The following FGF12 variants were observed in gnomAD, a reference collection of about 807,000 sequenced individuals.
FGF12 encodes fibroblast growth factor 12B.
In FGF12, 14 loss-of-function variants were observed where a neutral mutation model predicts 23.6. That is an observed-to-expected ratio of 0.59 (90% CI 0.39 to 0.93). FGF12 has a LOEUF of 0.93. FGF12 is among the 40% of genes least tolerant of loss of function. The pLI is 0.00. For synonymous variants in FGF12, 62 were observed against 77.3 expected (o/e 0.80, Z 1.04); for missense variants, 175 against 217.8 (o/e 0.80, Z 1.24).
intron 2 of FGF12, among the ~76,000 whole-genome samples, chr3:192,594,745 T>C (rs1713769576): frequency 1.3e-5 from 2 of 152,072 alleles, no homozygotes; most frequent in Admixed American, 1.3e-4. Context: ...TCTGCCATGT[T>C]ATGATGCCGT....
chr3:192,682,811 AGGAGAG>A (rs1717581038), intron 2 of FGF12, among the ~76,000 whole-genome samples: 1 of 152,194 alleles, frequency 6.6e-6, no homozygotes, highest in African/African-American at 2.4e-5. Flanking sequence ...ATGGGTCAGA[AGGAGAG>A]GGAAGTTGTA....
In FGF12 at chr3:192,318,204, C is replaced by T. The variant is rs144724416; in HGVS notation, c.228+17157G>A. Among the ~76,000 whole-genome samples the T allele has an allele frequency of 1.1e-3, 174 of 152,182 alleles. 1 individual carries two copies. The highest frequency in any genetic ancestry group is 4.0e-3 in the African/African-American group (167 of 41,522). ...CAATGCCCAGACACTGATGAACAGC[C>T]GCAAGCATCAAGACCATCCAGGAAA... On this transcript the variant is annotated intron_variant, in intron 4 of 5. Coordinates refer to ENST00000445105, the MANE Select transcript of FGF12 (RefSeq NM_004113.6).
intron 2 of FGF12, among the ~76,000 whole-genome samples, chr3:192,693,676 G>A (rs1349889863): frequency 1.3e-5 from 2 of 152,120 alleles, no homozygotes; most frequent in Non-Finnish European, 2.9e-5. Flanking sequence ...TTCAATAAAT[G>A]ATGTTGGGAA....
At chr3:192,476,373 T>C (rs1293375478) in intron 2 of FGF12, among the ~76,000 whole-genome samples, 1 of 152,108 alleles carries the variant, frequency 6.6e-6, no homozygotes, top group Non-Finnish European at 1.5e-5. Context: ...AATCTAAATG[T>C]GAATCCCAAT....
chr3:192,401,568 T>C (rs1379127212), intron 2 of FGF12, among the ~76,000 whole-genome samples: 1 of 152,230 alleles, frequency 6.6e-6, no homozygotes, highest in Non-Finnish European at 1.5e-5. Flanking sequence ...CTAGCCTCCT[T>C]ACTGTTCCCT....
At chr3:192,413,932 A>G (rs1477317402) in intron 2 of FGF12, among the ~76,000 whole-genome samples, 2 of 152,212 alleles carry the variant, frequency 1.3e-5, no homozygotes, top group East Asian at 3.8e-4. Flanking sequence ...TAGGCTGACA[A>G]AAGCAATATA....
At chr3:192,509,320 A>C (rs893680538) in intron 2 of FGF12, among the ~76,000 whole-genome samples, 3 of 152,214 alleles carry the variant, frequency 2.0e-5, no homozygotes, top group Non-Finnish European at 2.9e-5. Context: ...TCCTTTCACC[A>C]TAAACTACTT....
intron 2 of FGF12, among the ~76,000 whole-genome samples, chr3:192,453,785 T>A (rs1391416866): frequency 6.6e-6 from 1 of 152,170 alleles, no homozygotes; most frequent in Admixed American, 6.5e-5. Context: ...AATTTCACGC[T>A]CATATTGATC....
chr3:192,155,666 A>G (rs1314452104), intron 5 of FGF12, among the ~76,000 whole-genome samples: 1 of 152,242 alleles, frequency 6.6e-6, no homozygotes, highest in East Asian at 1.9e-4. Flanking sequence ...TGTACTTTAT[A>G]GTAAAATTTA....
intron 3 of FGF12, 135 bp from the exon 4 acceptor site, chr3:192,335,599 T>C (rs1013875583): frequency 1.4e-5 from 9 of 630,878 alleles, no homozygotes; most frequent in Non-Finnish European, 2.3e-5. Context: ...TAAAGAGAGG[T>C]CTAAAAACGA....
rs185665622 is a variant in FGF12, at chr3:192,452,129, A to T, written c.14-91591T>A. Among the ~76,000 whole-genome samples, 515 of 152,238 alleles carry T rather than the reference A, an allele frequency of 3.4e-3. 1 individual carries two copies. Among genetic ancestry groups the T allele is most frequent in the Non-Finnish European group, 5.7e-3 (385 of 68,000 alleles). On this transcript the variant is annotated intron_variant, in intron 2 of 5. Coordinates refer to ENST00000445105, the MANE Select transcript of FGF12 (RefSeq NM_004113.6). ...TTAACCATTCACTTTGAGGTAAGCTATAGGTTTTTTTGGTACATATTTTCT... is the reference window on the plus strand; with the variant it reads ...TTAACCATTCACTTTGAGGTAAGCTTTAGGTTTTTTTGGTACATATTTTCT...
intron 4 of FGF12, among the ~76,000 whole-genome samples, chr3:192,295,815 C>T (rs941669886): frequency 2.0e-5 from 3 of 152,092 alleles, no homozygotes; most frequent in Non-Finnish European, 4.4e-5. Flanking sequence ...TTTTTCATAG[C>T]TATTCCAATA....
At chr3:192,325,848 A>G (rs973759077) in intron 4 of FGF12, among the ~76,000 whole-genome samples, 4 of 152,178 alleles carry the variant, frequency 2.6e-5, no homozygotes, top group Non-Finnish European at 4.4e-5. Context: ...CTACAGCACC[A>G]TATCAGCCTC....
At chr3:192,221,581 T>C (rs1334477497) in intron 4 of FGF12, among the ~76,000 whole-genome samples, 2 of 152,120 alleles carry the variant, frequency 1.3e-5, no homozygotes, top group African/African-American at 4.8e-5. Flanking sequence ...CTTTAGAACA[T>C]CATAAATAGT....
chr3:192,570,482 T>A (rs1160169259), intron 2 of FGF12, among the ~76,000 whole-genome samples: 1 of 152,238 alleles, frequency 6.6e-6, no homozygotes, highest in Non-Finnish European at 1.5e-5. Flanking sequence ...AGGTTTATGA[T>A]GTGTCTGGAG....
chr3:192,407,695 G>A lies in FGF12; in HGVS notation c.14-47157C>T, dbSNP rs542627571. On this transcript the variant is annotated intron_variant, in intron 2 of 5. Transcript: ENST00000445105. ...TGGATGGATGGATGGGAGAGCGGGA[G>A]AGAGAGAGAAGAGATGAATGAATGA... Among the ~76,000 whole-genome samples the A allele has an allele frequency of 4.6e-5, 6 of 131,488 alleles. No homozygotes were observed. The South Asian group carries it at 1.4e-3, about 31-fold the overall frequency. The allele number at this position is 131,488 out of a possible 152,430, so 86.3% of individuals were successfully genotyped here.
At chr3:192,372,694 ACT>A (rs769081434) in intron 2 of FGF12, among the ~76,000 whole-genome samples, 20 of 151,770 alleles carry the variant, frequency 1.3e-4, no homozygotes, top group Non-Finnish European at 2.1e-4. Context: ...CCTCACTAAC[ACT>A]CTTTCTCTTC....
chr3:192,236,032 T>C (rs1482290643), intron 4 of FGF12, among the ~76,000 whole-genome samples: 1 of 152,190 alleles, frequency 6.6e-6, no homozygotes, highest in East Asian at 1.9e-4. Flanking sequence ...TCTTTAGCTA[T>C]GTCCCAGAGA....
chr3:192,328,782 A>G (rs7614650), intron 4 of FGF12, among the ~76,000 whole-genome samples: 38,148 of 152,074 alleles, frequency 0.25, 6,279 homozygotes, highest in African/African-American at 0.46. Flanking sequence ...AATTATGATT[A>G]TAAGAGCAAA....
Sources: gnomAD v4.1 joint callset for allele counts (sites outside exome capture counted in the v4.1 genomes callset) on GRCh38, gnomAD v4.1.1 for gene constraint, MANE v1.5 for transcripts, NCBI Gene and HGNC (gene_info 2026-07-23, HGNC 2026-07-21) for gene names.